Variants in SLC27A1 observed in about 807,000 individuals in gnomAD.
SLC27A1 encodes long-chain fatty acid transport protein 1.
A neutral mutation model predicts 62.2 loss-of-function variants in SLC27A1; 61 were observed. The observed-to-expected ratio is 0.98, with a 90% CI of 0.80 to 1.21. The LOEUF is 1.21. Among genes scored for constraint, SLC27A1 ranks in the 50% most tolerant of loss-of-function variants. The pLI, the probability that SLC27A1 is intolerant of heterozygous loss-of-function variation, is 0.00. For missense variants in SLC27A1, 903 were observed against 932.1 expected (o/e 0.97, Z 0.41); for synonymous variants, 435 against 408.6 (o/e 1.06, Z -0.78).
chr19:17,504,364 G>T, intron 11 of SLC27A1, 91 bp from the exon 12 acceptor site: 1 of 1,479,058 alleles, frequency 6.8e-7, no homozygotes. Flanking sequence ...ACAGCCTGTG[G>T]GAAGGTCCAG....
At chr19:17,493,788 C>A (rs954551758) in intron 6 of SLC27A1, among the ~76,000 whole-genome samples, 2 of 151,806 alleles carry the variant, frequency 1.3e-5, no homozygotes, top group Non-Finnish European at 2.9e-5. Context: ...CCAAGCCTAG[C>A]TAATTTTTTG....
In SLC27A1 at chr19:17,477,240, C is replaced by CTTTTTTTTTTTTTTTTTTTTTTTTTTTTT. The variant is rs1221324202; in HGVS notation, c.167+6557_167+6558insTTTTTTTTTTTTTTTTTTTTTTTTTTTTT. On this transcript the variant is annotated intron_variant, in intron 1 of 11. Coordinates refer to ENST00000252595, the MANE Select transcript of SLC27A1 (RefSeq NM_198580.3). ...TTATTGGTTGAATGGATGAGCAGCG[C>CTTTTTTTTTTTTTTTTTTTTTTTTTTTTT]TTTTTTTTTTTTTTTTTTTTTTTTG... 1.4e-4 allele frequency among the ~76,000 whole-genome samples: 6 copies of CTTTTTTTTTTTTTTTTTTTTTTTTTTTTT among 43,808 alleles called. 2 individuals are homozygous for CTTTTTTTTTTTTTTTTTTTTTTTTTTTTT. Among genetic ancestry groups the CTTTTTTTTTTTTTTTTTTTTTTTTTTTTT allele is most frequent in the Non-Finnish European group, 2.0e-4 (5 of 24,866 alleles). 28.7% of individuals were successfully genotyped at this position (43,808 alleles called of 152,430 possible).
At chr19:17,470,230 A>T (rs995533415), upstream of SLC27A1, among the ~76,000 whole-genome samples, 1 of 151,520 alleles carries the variant, frequency 6.6e-6, no homozygotes, top group Non-Finnish European at 1.5e-5. Context: ...TATGGAATAG[A>T]GCGGACCCAG....
chr19:17,470,240 G>T (rs906824030), upstream of SLC27A1, among the ~76,000 whole-genome samples: 1 of 152,008 alleles, frequency 6.6e-6, no homozygotes, highest in African/African-American at 2.4e-5. Flanking sequence ...AGCGGACCCA[G>T]GGTCCGGGGG....
At chr19:17,490,537 C>A (rs1465206603) in intron 6 of SLC27A1, among the ~76,000 whole-genome samples, 1 of 151,930 alleles carries the variant, frequency 6.6e-6, no homozygotes, top group African/African-American at 2.4e-5. Flanking sequence ...TCTGGTGCAC[C>A]CCTCAGCTGG....
chr19:17,470,967 G>A (rs1236621919), intron 1 of SLC27A1, among the ~76,000 whole-genome samples: 1 of 149,942 alleles, frequency 6.7e-6, no homozygotes, highest in African/African-American at 2.5e-5. Flanking sequence ...TGCTTCGGGC[G>A]TTGCAGGCTG....
intron 1 of SLC27A1, among the ~76,000 whole-genome samples, chr19:17,482,617 C>T (rs1414857916): frequency 7.3e-6 from 1 of 137,336 alleles, no homozygotes; most frequent in African/African-American, 2.7e-5. Context: ...CACCACTGCA[C>T]TCTGGCCTGG....
chr19:17,497,153 A>G, intron 6 of SLC27A1, 102 bp from the exon 7 acceptor site: 1 of 861,140 alleles, frequency 1.2e-6, no homozygotes, highest in Non-Finnish European at 1.8e-6. Context: ...TTCCGCTCAT[A>G]GGATTAGCTC....
Position 17,504,446 on chromosome 19 carries a change from C to T in SLC27A1, c.1784-9C>T, listed in dbSNP as rs1045986318. ...CTCAGCCCTTATCTGCCCCCCATCC[C>T]CACTATAGGCACCTTCAAGATCCAG... On this transcript the variant is annotated splice_polypyrimidine_tract_variant and intron_variant, in intron 11 of 11. Transcript: ENST00000252595. 2.5e-6 allele frequency: 4 copies of T among 1,614,080 alleles called. No homozygotes were observed. In the Admixed American group the frequency reaches 6.7e-5, roughly 27 times the overall value.
intron 4 of SLC27A1, among the ~76,000 whole-genome samples, chr19:17,488,170 C>A (rs2075256824): frequency 6.6e-6 from 1 of 152,172 alleles, no homozygotes; most frequent in South Asian, 2.1e-4. Context: ...ACCGTCCTGG[C>A]CAACGTGGCG....
rs1349290580 is a variant in SLC27A1 at position 17,506,087 on chromosome 19, C to G, written c.*1475C>G. 1 of 152,276 alleles carries G rather than the reference C, an allele frequency of 6.6e-6. No individual in the cohort carries two copies. Among genetic ancestry groups the G allele is most frequent in the East Asian group, 1.9e-4 (1 of 5,202 alleles). 9.4% of individuals were successfully genotyped at this position (152,276 alleles called of 1,614,324 possible). Reference sequence around the variant, plus strand: ...GGAGTGGTGGGGCCATGGCAAGAGACACCGTGGCGTCTCATGTGAACTTTC... The same window carrying G: ...GGAGTGGTGGGGCCATGGCAAGAGAGACCGTGGCGTCTCATGTGAACTTTC... On this transcript the variant is annotated 3_prime_UTR_variant, in exon 12 of 12. Coordinates refer to ENST00000252595, the MANE Select transcript of SLC27A1 (RefSeq NM_198580.3).
chr19:17,504,774 G>A lies in SLC27A1; in HGVS notation c.*162G>A, dbSNP rs747774770. ...AGAAACTGGAACCTCAGAGGAACCC[G>A]TGCCTCTCTGCTGCCTTGGTGCCCC... On this transcript the variant is annotated 3_prime_UTR_variant, in exon 12 of 12. Transcript: ENST00000252595. The A allele has an allele frequency of 3.5e-5, 32 of 911,392 alleles. No individual in the cohort carries two copies. The highest frequency in any genetic ancestry group is 3.1e-4 in the African/African-American group (19 of 61,338). The allele number at this position is 911,392 out of a possible 1,614,324, so 56.5% of individuals were successfully genotyped here.
At position 17,487,462 on chromosome 19, in the gene SLC27A1, C is replaced by G. The variant is rs1350557539; in HGVS notation, c.727C>G (p.Arg243Gly). ...CCTAACACCTGTATCTCCTGCAGAT[C>G]GTCTTTTCTACATCTACACGTCGGG... is the stretch of plus-strand genomic sequence containing the variant. ...AQIPSKGMDD[R>G]LFYIYTSGTT... is the part of the protein sequence containing the mutation. The change falls in exon 4 of 12, where the codon CGT becomes GGT. Residue 243 changes from arginine (R) to glycine (G), a missense_variant and splice_region_variant. By Grantham distance (125) the Arg-to-Gly change is moderately radical. Coordinates refer to ENST00000252595, the MANE Select transcript of SLC27A1 (RefSeq NM_198580.3). 2 of 1,589,064 alleles carry G rather than the reference C, an allele frequency of 1.3e-6. No individual in the cohort carries two copies. The highest frequency in any genetic ancestry group is 3.5e-5 in the Admixed American group (2 of 57,650).
rs114283025 is a variant in SLC27A1, at chr19:17,474,360, C to T, written c.167+3653C>T. On this transcript the variant is annotated intron_variant, in intron 1 of 11. Transcript: ENST00000252595. ...GGCCCTGCGCCCCACTCAGGATTGG[C>T]GCACAGCGGTAGCGCAGGACATGTT... Among the ~76,000 whole-genome samples the T allele has an allele frequency of 2.2e-3, 330 of 152,288 alleles. 3 individuals are homozygous for T. Among genetic ancestry groups the T allele is most frequent in the African/African-American group, 7.6e-3 (314 of 41,554 alleles).
At chr19:17,477,467 C>A (rs1225026812) in intron 1 of SLC27A1, among the ~76,000 whole-genome samples, 1 of 151,418 alleles carries the variant, frequency 6.6e-6, no homozygotes, top group Non-Finnish European at 1.5e-5. Flanking sequence ...TGGTCTCAAA[C>A]TCCTGACCTC....
At chr19:17,479,411 G>T (rs1320160922) in intron 1 of SLC27A1, among the ~76,000 whole-genome samples, 2 of 152,142 alleles carry the variant, frequency 1.3e-5, no homozygotes, top group Non-Finnish European at 2.9e-5. Flanking sequence ...TCATCAGCCT[G>T]CAGCGGGGGG....
At position 17,486,336 on chromosome 19, in the gene SLC27A1, G is replaced by A. The variant is rs1316345815; in HGVS notation, c.168-227G>A. ...CCAAGCCAGCTGGGGTATGGGGGAGGACAGGGTGACTGGTTTATTACGCTT... is the reference window on the plus strand; with the variant it reads ...CCAAGCCAGCTGGGGTATGGGGGAGAACAGGGTGACTGGTTTATTACGCTT... On this transcript the variant is annotated intron_variant, in intron 1 of 11. Transcript: ENST00000252595. The surrounding 1 kb of genome is among the most constrained non-coding windows in gnomAD (Gnocchi z 6.6). Among the ~76,000 whole-genome samples, 2 of 152,186 alleles carry A rather than the reference G, an allele frequency of 1.3e-5. No homozygotes were observed. Among genetic ancestry groups the A allele is most frequent in the East Asian group, 3.8e-4 (2 of 5,198 alleles).
intron 1 of SLC27A1, among the ~76,000 whole-genome samples, chr19:17,471,053 G>A (rs1443703026): frequency 6.6e-6 from 1 of 151,442 alleles, no homozygotes; most frequent in African/African-American, 2.4e-5. Flanking sequence ...CCAGGGAGCT[G>A]GGGCTGACTG....
chr19:17,489,127 TGCCCTGTTCTGTCTAGACCCC>T lies in SLC27A1; in HGVS notation c.996+15_996+35del, dbSNP rs769886405. On this transcript the variant is annotated intron_variant, in intron 6 of 11. Coordinates refer to ENST00000252595, the MANE Select transcript of SLC27A1 (RefSeq NM_198580.3). Reference sequence around the variant, plus strand: ...CAAGTACAACTGCACGGTCAGGCCCTGCCCTGTTCTGTCTAGACCCCGCCCCTCCCAGCCAGGCCTCACCCC... The same window carrying T: ...CAAGTACAACTGCACGGTCAGGCCCTGCCCCTCCCAGCCAGGCCTCACCCC... 2 of 1,612,198 alleles carry T rather than the reference TGCCCTGTTCTGTCTAGACCCC, an allele frequency of 1.2e-6. No individual in the cohort carries two copies. Among genetic ancestry groups the T allele is most frequent in the South Asian group, 2.2e-5 (2 of 90,890 alleles).
Sources: gnomAD v4.1 joint callset for allele counts (sites outside exome capture counted in the v4.1 genomes callset) on GRCh38, gnomAD v4.1.1 for gene constraint, Gnocchi (gnomAD v3.1) non-coding constraint, MANE v1.5 for transcripts, NCBI Gene and HGNC (gene_info 2026-07-23, HGNC 2026-07-21) for gene names.